The following CNR2 variants were observed in gnomAD, a reference collection of about 807,000 sequenced individuals.
CNR2 encodes the protein cannabinoid receptor 2 (macrophage).
For missense variants in CNR2, 379 were observed against 439.9 expected (o/e 0.86, Z 1.24); for synonymous variants, 172 against 182.2 (o/e 0.94, Z 0.45).
intron 1 of CNR2, chr1:23,902,461 T>G: frequency 6.3e-7 from 1 of 1,597,082 alleles, no homozygotes; most frequent in Non-Finnish European, 8.6e-7. Flanking sequence ...GCCTACAGAG[T>G]GGCCAGCACC....
chr1:23,897,993 G>T (rs1640312216), intron 1 of CNR2, among the ~76,000 whole-genome samples: 1 of 151,960 alleles, frequency 6.6e-6, no homozygotes, highest in South Asian at 2.1e-4. Context: ...TTCTGTTGTT[G>T]TTCAAATCCA....
intron 1 of CNR2, among the ~76,000 whole-genome samples, chr1:23,910,817 C>T (rs1233731444): frequency 6.6e-6 from 1 of 151,854 alleles, no homozygotes; most frequent in Admixed American, 6.6e-5. Context: ...TGTAACTTGC[C>T]CCAGGTTGCC....
At chr1:23,902,715 G>T in intron 1 of CNR2, 1 of 1,585,800 alleles carries the variant, frequency 6.3e-7, no homozygotes, top group South Asian at 1.1e-5. Context: ...GAACATGAGC[G>T]CGTTCCTCTC....
intron 1 of CNR2, chr1:23,901,650 C>G: frequency 6.6e-7 from 1 of 1,511,866 alleles, no homozygotes; most frequent in Non-Finnish European, 9.2e-7. Context: ...TAGAAGGTGT[C>G]TTGTTCAACC....
intron 1 of CNR2, among the ~76,000 whole-genome samples, chr1:23,897,744 G>T (rs1255060759): frequency 6.6e-6 from 1 of 152,148 alleles, no homozygotes; most frequent in Admixed American, 6.6e-5. Flanking sequence ...ACAGGCATGA[G>T]CCACCACGCC....
At chr1:23,900,630 C>A (rs541618063) in intron 1 of CNR2, among the ~76,000 whole-genome samples, 1 of 151,958 alleles carries the variant, frequency 6.6e-6, no homozygotes, top group Non-Finnish European at 1.5e-5. Flanking sequence ...CCTCAGCCTC[C>A]CAAGTAGCTG....
At chr1:23,890,739 C>A (rs1372134180) in intron 1 of CNR2, among the ~76,000 whole-genome samples, 1 of 66,720 alleles carries the variant, frequency 1.5e-5, no homozygotes, top group Non-Finnish European at 3.1e-5. Flanking sequence ...GAGTGAGACT[C>A]TGTCTCAAAA....
chr1:23,907,392 G>C (rs1375432101), intron 1 of CNR2, among the ~76,000 whole-genome samples: 1 of 124,602 alleles, frequency 8.0e-6, no homozygotes, highest in Non-Finnish European at 1.6e-5. Context: ...CCTGGTGACA[G>C]AGGGAGACCT....
chr1:23,874,403 T>C lies in CNR2; in HGVS notation c.*132A>G. ...TTCCAGGAGTCAGTCCCAACACTCA[T>C]CAGCAAAAAGGGGTCCGTGTCTAGG... On this transcript the variant is annotated 3_prime_UTR_variant, in exon 2 of 2. Coordinates refer to ENST00000374472, the MANE Select transcript of CNR2 (RefSeq NM_001841.3). The C allele has an allele frequency of 9.9e-7, 1 of 1,008,922 alleles. No homozygotes were observed. 62.5% of individuals were successfully genotyped at this position (1,008,922 alleles called of 1,614,324 possible).
At chr1:23,889,210 C>T (rs1640144440) in intron 1 of CNR2, among the ~76,000 whole-genome samples, 1 of 152,120 alleles carries the variant, frequency 6.6e-6, no homozygotes, top group African/African-American at 2.4e-5. Context: ...GGGGGTTTTT[C>T]TAACCTGAAG....
Position 23,875,245 on chromosome 1 carries a change from GGAGGCTACCCACA to G in CNR2, c.360_372del (p.Val121CysfsTer2), listed in dbSNP as rs748062853. ...AGGTATCGGTCAATGGCGGTCAGCA[GGAGGCTACCCACA>G]GAGGCTGTGAAGGTCATAGTCACGC... On this transcript the variant is annotated frameshift_variant, in exon 2 of 2. Transcript: ENST00000374472. LOFTEE classifies it high-confidence loss of function. 2.1e-5 allele frequency: 34 copies of G among 1,614,076 alleles called. No homozygotes were observed. The East Asian group carries it at 7.6e-4, about 36-fold the overall frequency.
At chr1:23,901,341 T>C in intron 1 of CNR2, 1 of 810,890 alleles carries the variant, frequency 1.2e-6, no homozygotes, top group Non-Finnish European at 1.9e-6. Flanking sequence ...CTTCACAGAA[T>C]CAAGCTTCAG....
At chr1:23,910,654 C>CAAAAAAAAAA (rs34083515) in intron 1 of CNR2, among the ~76,000 whole-genome samples, 23 of 31,924 alleles carry the variant, frequency 7.2e-4, no homozygotes, top group East Asian at 1.2e-3. Flanking sequence ...AACGCTGTCT[C>CAAAAAAAAAA]AAAAAAAAAA....
chr1:23,908,927 T>C (rs1640541728), intron 1 of CNR2, among the ~76,000 whole-genome samples: 2 of 149,962 alleles, frequency 1.3e-5, no homozygotes, highest in Admixed American at 1.3e-4. Flanking sequence ...GAGAGACAGG[T>C]GGGGTGGTGG....
At position 23,899,194 on chromosome 1, in the gene CNR2, A is replaced by G. The variant is rs1570717743; in HGVS notation, c.-46+14052T>C. The stretch of plus-strand genomic sequence containing the variant: ...GGAACCAGAGGCTCAGCTAGACTGG[A>G]TTTGCCGAGGTCACAAAGTTTGTAA... On this transcript the variant is annotated intron_variant, in intron 1 of 1. Coordinates refer to ENST00000374472, the MANE Select transcript of CNR2 (RefSeq NM_001841.3). Among the ~76,000 whole-genome samples, 3 of 152,092 alleles carry G rather than the reference A, an allele frequency of 2.0e-5. No homozygotes were observed. The East Asian group carries it at 5.8e-4, about 29-fold the overall frequency.
In CNR2 at chr1:23,902,852, C is replaced by G. The variant is rs900947046; in HGVS notation, c.-46+10394G>C. On this transcript the variant is annotated intron_variant, in intron 1 of 1. Transcript: ENST00000374472. ...CCCGGCCTTCCTGCCCACGGCGGCG[C>G]CGGCGTTGCTGTGGGCTAGGACCGC... 3.4e-5 allele frequency: 42 copies of G among 1,222,104 alleles called. No individual in the cohort carries two copies. In the African/African-American group the frequency reaches 6.2e-4, roughly 18 times the overall value. The allele number at this position is 1,222,104 out of a possible 1,614,324, so 75.7% of individuals were successfully genotyped here.
chr1:23,908,227 C>A (rs1640530790), intron 1 of CNR2, among the ~76,000 whole-genome samples: 1 of 152,146 alleles, frequency 6.6e-6, no homozygotes, highest in Non-Finnish European at 1.5e-5. Context: ...GATCTGCCCA[C>A]CTGGGCCTCC....
At chr1:23,887,108 G>A (rs1177025469) in intron 1 of CNR2, among the ~76,000 whole-genome samples, 1 of 152,154 alleles carries the variant, frequency 6.6e-6, no homozygotes, top group East Asian at 1.9e-4. Flanking sequence ...GTTTTGCCAT[G>A]TTGGCCAGGC....
intron 1 of CNR2, among the ~76,000 whole-genome samples, chr1:23,885,379 A>G (rs996260721): frequency 2.6e-5 from 4 of 152,166 alleles, no homozygotes; most frequent in African/African-American, 9.7e-5. Context: ...CAAACCATGT[A>G]GGTTTAAATC....
Sources: allele counts gnomAD v4.1 joint callset (sites outside exome capture counted in the v4.1 genomes callset), GRCh38; gene constraint gnomAD v4.1.1; transcripts MANE v1.5; gene names NCBI Gene and HGNC (gene_info 2026-07-23, HGNC 2026-07-21).